Variants in KCNJ15 observed in about 807,000 individuals in gnomAD.
KCNJ15 encodes the protein ATP-sensitive inward rectifier potassium channel 15.
A neutral mutation model predicts 23.0 loss-of-function variants in KCNJ15; 14 were observed. The observed-to-expected ratio is 0.61, with a 90% CI of 0.40 to 0.95. The LOEUF is 0.95. Among genes scored for constraint, KCNJ15 ranks in the 40% least tolerant of loss-of-function variants. The pLI, the probability that KCNJ15 is intolerant of heterozygous loss-of-function variation, is 0.00. For synonymous variants in KCNJ15, 185 were observed against 183.2 expected (o/e 1.01, Z -0.08); for missense variants, 388 against 461.8 (o/e 0.84, Z 1.46).
upstream of KCNJ15, among the ~76,000 whole-genome samples, chr21:38,255,548 G>C (rs2836243): frequency 0.15 from 22,064 of 152,080 alleles, 2,116 homozygotes; most frequent in East Asian, 0.39. Context: ...AGGCTGAAAA[G>C]GAGTCCCTTG....
chr21:38,239,877 A>C (rs1978871204), intron 1 of KCNJ15, among the ~76,000 whole-genome samples: 1 of 152,202 alleles, frequency 6.6e-6, no homozygotes, highest in South Asian at 2.1e-4. Flanking sequence ...TTATCATTTG[A>C]TGCAGATGTT....
chr21:38,238,542 A>T (rs1343228540), intron 1 of KCNJ15: 2 of 639,944 alleles, frequency 3.1e-6, no homozygotes, highest in Non-Finnish European at 5.9e-6. Flanking sequence ...CCACCGGGAC[A>T]TGGTGCATGT....
intron 1 of KCNJ15, among the ~76,000 whole-genome samples, chr21:38,286,549 T>C (rs906703760): frequency 7.9e-5 from 12 of 152,212 alleles, no homozygotes; most frequent in African/African-American, 2.9e-4. Context: ...TTTTGTTAAG[T>C]GTCCAGCCAA....
chr21:38,284,506 C>G (rs1434469967), intron 1 of KCNJ15, among the ~76,000 whole-genome samples: 1 of 152,208 alleles, frequency 6.6e-6, no homozygotes, highest in Non-Finnish European at 1.5e-5. Context: ...GTCCATGCAT[C>G]AGTAATTTCA....
intron 1 of KCNJ15, among the ~76,000 whole-genome samples, chr21:38,292,494 A>C (rs1011245806): frequency 1.3e-5 from 2 of 152,228 alleles, no homozygotes; most frequent in East Asian, 3.8e-4. Flanking sequence ...CTAAAAAGCT[A>C]TCTTGTCATG....
chr21:38,254,066 C>T (rs1252715558), upstream of KCNJ15, among the ~76,000 whole-genome samples: 2 of 152,216 alleles, frequency 1.3e-5, no homozygotes, highest in Non-Finnish European at 2.9e-5. Flanking sequence ...ACAAATTTTA[C>T]TCATTGGATG....
chr21:38,232,966 G>C (rs759988315), intron 1 of KCNJ15, among the ~76,000 whole-genome samples: 1 of 151,866 alleles, frequency 6.6e-6, no homozygotes, highest in Non-Finnish European at 1.5e-5. Context: ...GTTAGTTCTA[G>C]TTTGTTATAG....
chr21:38,280,094 G>A (rs1422390990), intron 1 of KCNJ15, among the ~76,000 whole-genome samples: 2 of 152,166 alleles, frequency 1.3e-5, no homozygotes, highest in African/African-American at 2.4e-5. Context: ...ACATGTCAAA[G>A]TGGTTGGAAG....
At chr21:38,265,827 A>G (rs1356836174) in intron 1 of KCNJ15, among the ~76,000 whole-genome samples, 1 of 152,240 alleles carries the variant, frequency 6.6e-6, no homozygotes. Context: ...AGGCCCTGAC[A>G]AAGTTCCAGG....
At chr21:38,297,771 C>G (rs932833108) in intron 2 of KCNJ15, among the ~76,000 whole-genome samples, 1 of 152,134 alleles carries the variant, frequency 6.6e-6, no homozygotes, top group African/African-American at 2.4e-5. Context: ...AATTTATGGC[C>G]CTTCTTTTCA....
chr21:38,279,631 T>C (rs7283495), intron 1 of KCNJ15, among the ~76,000 whole-genome samples: 102,505 of 151,974 alleles, frequency 0.67, 35,022 homozygotes, highest in Non-Finnish European at 0.73. Flanking sequence ...GAGGTTACTC[T>C]CTTGGTTGAA....
chr21:38,271,539 C>T (rs1438756830), intron 1 of KCNJ15, among the ~76,000 whole-genome samples: 3 of 152,198 alleles, frequency 2.0e-5, no homozygotes, highest in African/African-American at 7.2e-5. Context: ...GCATGCGATT[C>T]CTGCTTTTCC....
At chr21:38,271,612 T>A (rs1982105825) in intron 1 of KCNJ15, among the ~76,000 whole-genome samples, 1 of 152,192 alleles carries the variant, frequency 6.6e-6, no homozygotes, top group Non-Finnish European at 1.5e-5. Context: ...TGTGGTCCTA[T>A]AAGGGGAAGT....
intron 1 of KCNJ15, among the ~76,000 whole-genome samples, chr21:38,281,927 C>T (rs115096112): frequency 0.016 from 2,506 of 152,174 alleles, 89 homozygotes; most frequent in African/African-American, 0.058. Flanking sequence ...CCTTGGCCAG[C>T]AACTATTTTT....
At position 38,238,537 on chromosome 21, in the gene KCNJ15, G is replaced by A. The variant is rs183563181; in HGVS notation, c.-398-18509G>A. 1,580 of 638,510 alleles carry A rather than the reference G, an allele frequency of 2.5e-3. 7 individuals are homozygous for A. The highest frequency in any genetic ancestry group is 5.7e-3 in the Middle Eastern group (21 of 3,684). 39.6% of individuals were successfully genotyped at this position (638,510 alleles called of 1,614,324 possible). A position where few individuals can be genotyped will look rare whatever the true frequency, so the allele number is the denominator to read the frequency against. On this transcript the variant is annotated intron_variant, in intron 1 of 4. Coordinates refer to the KCNJ15 transcript ENST00000547341. ...ACGGACCATCTCCGGCAATGCCACC[G>A]GGACATGGTGCATGTGCTGGGAGAA... is the stretch of plus-strand genomic sequence containing the variant.
intron 1 of KCNJ15, among the ~76,000 whole-genome samples, chr21:38,286,238 G>T (rs571310359): frequency 1.3e-5 from 2 of 152,066 alleles, no homozygotes; most frequent in African/African-American, 2.4e-5. Flanking sequence ...GCGAGACTCC[G>T]TCTCAAACAA....
At chr21:38,286,301 G>A (rs1042386247) in intron 1 of KCNJ15, among the ~76,000 whole-genome samples, 6 of 152,070 alleles carry the variant, frequency 3.9e-5, no homozygotes, top group African/African-American at 9.7e-5. Context: ...TCCTACTTCC[G>A]AGAAGTGCTA....
intron 1 of KCNJ15, among the ~76,000 whole-genome samples, chr21:38,259,364 G>C (rs529164280): frequency 6.6e-6 from 1 of 152,244 alleles, no homozygotes; most frequent in East Asian, 1.9e-4. Flanking sequence ...ACTGGCCCGT[G>C]GGAATGCTTG....
chr21:38,297,955 C>T (rs1457637876), intron 2 of KCNJ15, among the ~76,000 whole-genome samples: 3 of 152,074 alleles, frequency 2.0e-5, no homozygotes, highest in Non-Finnish European at 4.4e-5. Context: ...AGGGATTTGC[C>T]CAGAGGATTA....
Sources: allele counts gnomAD v4.1 joint callset (sites outside exome capture counted in the v4.1 genomes callset), GRCh38; gene constraint gnomAD v4.1.1; transcripts MANE v1.5; gene names NCBI Gene and HGNC (gene_info 2026-07-23, HGNC 2026-07-21).